Variants in KAZN observed in about 807,000 individuals in gnomAD.
KAZN encodes the protein kazrin, periplakin interacting protein.
A neutral mutation model predicts 87.4 loss-of-function variants in KAZN; 40 were observed. The observed-to-expected ratio is 0.46, with a 90% CI of 0.36 to 0.60. The LOEUF is 0.60. Ranked by LOEUF, KAZN falls within the 20% of genes least tolerant of loss-of-function variation. KAZN has a pLI of 0.00. For synonymous variants in KAZN, 466 were observed against 458.3 expected, an observed-to-expected ratio of 1.02 and a Z score of -0.22; for missense variants, 898 against 1,073.9, an observed-to-expected ratio of 0.84 and a Z score of 2.29.
chr1:14,253,139 G>A (rs1373896968), intron 2 of KAZN, among the ~76,000 whole-genome samples: 1 of 150,024 alleles, frequency 6.7e-6, no homozygotes, highest in African/African-American at 2.5e-5. Flanking sequence ...AAAAAAAACG[G>A]CCCCACCCGG....
At chr1:14,832,278 C>A (rs2100882967) in intron 1 of KAZN, among the ~76,000 whole-genome samples, 2 of 152,216 alleles carry the variant, frequency 1.3e-5, no homozygotes, top group South Asian at 2.1e-4. Context: ...ACCCCACACC[C>A]CCCACGTCTC....
chr1:14,409,543 C>T (rs1557698512), intron 2 of KAZN, among the ~76,000 whole-genome samples: 1 of 152,090 alleles, frequency 6.6e-6, no homozygotes, highest in East Asian at 1.9e-4. Context: ...CCCCAGAAGC[C>T]CCAACTTGAA....
intron 2 of KAZN, among the ~76,000 whole-genome samples, chr1:14,986,724 T>C (rs1322220862): frequency 6.6e-6 from 1 of 152,136 alleles, no homozygotes; most frequent in Non-Finnish European, 1.5e-5. Flanking sequence ...ATTCCAAATC[T>C]AAGTCAAAGG....
At chr1:15,070,603 T>C (rs941141638) in intron 8 of KAZN, among the ~76,000 whole-genome samples, 2 of 152,222 alleles carry the variant, frequency 1.3e-5, no homozygotes, top group African/African-American at 2.4e-5. Flanking sequence ...CAACCTGGGC[T>C]CCTGGGGAAT....
At chr1:14,409,955 TG>T in intron 2 of KAZN, among the ~76,000 whole-genome samples, 1 of 152,324 alleles carries the variant, frequency 6.6e-6, no homozygotes, top group South Asian at 2.1e-4. Flanking sequence ...AATTGTCTGA[TG>T]GCTTGAACAG....
chr1:14,560,611 AGTT>A (rs912173316), intron 2 of KAZN, among the ~76,000 whole-genome samples: 3 of 152,082 alleles, frequency 2.0e-5, no homozygotes, highest in African/African-American at 4.8e-5. Context: ...CTACCTGACA[AGTT>A]GTTGTGAGGA....
chr1:14,695,800 G>T (rs1271697539), intron 1 of KAZN, among the ~76,000 whole-genome samples: 5 of 151,798 alleles, frequency 3.3e-5, no homozygotes, highest in African/African-American at 1.2e-4. Flanking sequence ...CACCGTGCCC[G>T]GCCTCTCCAC....
intron 8 of KAZN, among the ~76,000 whole-genome samples, chr1:15,076,782 C>A (rs921697523): frequency 6.6e-6 from 1 of 152,240 alleles, no homozygotes; most frequent in Non-Finnish European, 1.5e-5. Flanking sequence ...GCCGTCACGA[C>A]TGCACTGCCT....
intron 2 of KAZN, among the ~76,000 whole-genome samples, chr1:14,265,054 G>T (rs1409569177): frequency 6.6e-6 from 1 of 152,172 alleles, no homozygotes; most frequent in Non-Finnish European, 1.5e-5. Context: ...TCTCTCCTAA[G>T]TCTTATTTAT....
chr1:14,161,928 T>G (rs985792462), intron 1 of KAZN, among the ~76,000 whole-genome samples: 1 of 152,210 alleles, frequency 6.6e-6, no homozygotes, highest in African/African-American at 2.4e-5. Context: ...AGAAGTTACC[T>G]CCTTCTCACA....
At chr1:14,888,514 G>A (rs1169589940) in intron 1 of KAZN, among the ~76,000 whole-genome samples, 2 of 152,180 alleles carry the variant, frequency 1.3e-5, no homozygotes, top group East Asian at 3.9e-4. Context: ...CTGGAAGGGG[G>A]CCACTTCGAC....
At chr1:14,921,115 G>A (rs187852278) in intron 1 of KAZN, among the ~76,000 whole-genome samples, 7 of 150,710 alleles carry the variant, frequency 4.6e-5, no homozygotes, top group African/African-American at 1.7e-4. Flanking sequence ...GGAGAAGCTG[G>A]ACCCCACTGC....
chr1:14,559,378 C>T (rs1274899446), intron 2 of KAZN, among the ~76,000 whole-genome samples: 1 of 152,164 alleles, frequency 6.6e-6, no homozygotes, highest in Non-Finnish European at 1.5e-5. Flanking sequence ...GCCATTCCAT[C>T]CTCGGAATGA....
chr1:14,800,088 G>A (rs1043042441), intron 1 of KAZN, among the ~76,000 whole-genome samples: 5 of 152,126 alleles, frequency 3.3e-5, no homozygotes, highest in East Asian at 1.9e-4. Flanking sequence ...GGTCCATGAT[G>A]AGCCAGATGA....
At chr1:14,255,481 G>A (rs1360703016) in intron 2 of KAZN, among the ~76,000 whole-genome samples, 3 of 152,302 alleles carry the variant, frequency 2.0e-5, no homozygotes, top group East Asian at 1.9e-4. Flanking sequence ...TCACAGAAAC[G>A]GAGTTTCATA....
At chr1:15,074,545 T>C (rs1168172300) in intron 8 of KAZN, among the ~76,000 whole-genome samples, 1 of 151,932 alleles carries the variant, frequency 6.6e-6, no homozygotes, top group African/African-American at 2.4e-5. Context: ...GAACAGGAAA[T>C]AGGAAAATGG....
At chr1:14,846,206 A>G (rs1336978011) in intron 1 of KAZN, among the ~76,000 whole-genome samples, 1 of 152,240 alleles carries the variant, frequency 6.6e-6, no homozygotes, top group African/African-American at 2.4e-5. Flanking sequence ...TTGGAGACTC[A>G]AGATGCAAGT....
intron 1 of KAZN, among the ~76,000 whole-genome samples, chr1:14,726,069 G>A (rs1643367297): frequency 5.9e-5 from 9 of 152,336 alleles, no homozygotes; most frequent in Admixed American, 4.6e-4. Flanking sequence ...GCCAGTCAGA[G>A]GTTGGGGAGG....
At chr1:14,150,756 T>A (rs892120766) in intron 1 of KAZN, among the ~76,000 whole-genome samples, 10 of 152,214 alleles carry the variant, frequency 6.6e-5, no homozygotes, top group African/African-American at 2.4e-4. Context: ...CACTTGGAGA[T>A]AACCAAAATG....
Sources: allele counts gnomAD v4.1 joint callset (sites outside exome capture counted in the v4.1 genomes callset), GRCh38; gene constraint gnomAD v4.1.1; transcripts MANE v1.5; gene names NCBI Gene and HGNC (gene_info 2026-07-23, HGNC 2026-07-21).